Variants in ESRRG observed in about 807,000 individuals in gnomAD.
ESRRG encodes the protein estrogen related receptor gamma.
A neutral mutation model predicts 44.0 loss-of-function variants in ESRRG; 13 were observed. The observed-to-expected ratio is 0.30, with a 90% CI of 0.19 to 0.47. ESRRG has a LOEUF of 0.47. ESRRG is among the 20% of genes least tolerant of loss of function. ESRRG has a pLI of 1.00. For missense variants in ESRRG, 395 were observed against 580.6 expected, an observed-to-expected ratio of 0.68 and a Z score of 3.29; for synonymous variants, 215 against 214.6, an observed-to-expected ratio of 1.00 and a Z score of -0.02.
In ESRRG at chr1:216,677,382, G is replaced by A. The variant is rs2076282896; in HGVS notation, c.166C>T (p.His56Tyr). The A allele has an allele frequency of 6.2e-7, 1 of 1,614,060 alleles. No homozygotes were observed. Among genetic ancestry groups the A allele is most frequent in the African/African-American group, 1.3e-5 (1 of 74,920 alleles). Reference sequence around the variant, plus strand: ...GCGTCTGAAGAGCCACCAGGGCTGTGGTGGTTGACGCTGTCCGTCAGGGAG... The same window carrying A: ...GCGTCTGAAGAGCCACCAGGGCTGTAGTGGTTGACGCTGTCCGTCAGGGAG... ...PASLTDSVNHHSPGGSSDASG... is the reference protein window; with the variant it reads ...PASLTDSVNHYSPGGSSDASG... The change falls in exon 2 of 7, where the codon CAC becomes TAC. Residue 56 changes from histidine (H) to tyrosine (Y), a missense_variant. Physicochemically the swap from His to Tyr is moderately conservative, Grantham distance 83. Transcript: ENST00000408911.
intron 1 of ESRRG, among the ~76,000 whole-genome samples, chr1:216,988,580 G>A (rs2075231520): frequency 6.6e-6 from 1 of 152,056 alleles, no homozygotes; most frequent in African/African-American, 2.4e-5. Flanking sequence ...CCAACCCTCA[G>A]ATTTACTGGG....
chr1:216,782,663 T>A (rs1046083358), intron 2 of ESRRG, among the ~76,000 whole-genome samples: 2 of 152,032 alleles, frequency 1.3e-5, no homozygotes, highest in African/African-American at 4.8e-5. Context: ...AGTTCCACTC[T>A]CAAGAATGCT....
chr1:216,978,502 T>C (rs1179514672), intron 1 of ESRRG, among the ~76,000 whole-genome samples: 1 of 152,200 alleles, frequency 6.6e-6, no homozygotes, highest in Non-Finnish European at 1.5e-5. Flanking sequence ...AACATGCTAA[T>C]ACTCACCCTA....
chr1:216,577,312 T>A (rs998262448), intron 3 of ESRRG, among the ~76,000 whole-genome samples: 6 of 152,082 alleles, frequency 3.9e-5, no homozygotes, highest in Admixed American at 6.6e-5. Flanking sequence ...TGAAAAAAGA[T>A]ACTACTATGG....
At chr1:216,761,760 T>C (rs1220550300) in intron 2 of ESRRG, among the ~76,000 whole-genome samples, 1 of 152,142 alleles carries the variant, frequency 6.6e-6, no homozygotes, top group African/African-American at 2.4e-5. Context: ...TGTCAAGTAA[T>C]GGGAAAATTG....
intron 2 of ESRRG, among the ~76,000 whole-genome samples, chr1:216,745,223 A>G (rs562633656): frequency 1.7e-4 from 26 of 152,224 alleles, no homozygotes; most frequent in African/African-American, 4.8e-4. Flanking sequence ...CAGTGGCACA[A>G]CCATGACACA....
At chr1:216,896,014 G>A (rs994916414) in intron 2 of ESRRG, among the ~76,000 whole-genome samples, 1 of 152,140 alleles carries the variant, frequency 6.6e-6, no homozygotes, top group Non-Finnish European at 1.5e-5. Context: ...CCAAGTCCAA[G>A]TGTAAACACT....
At chr1:216,630,314 C>T (rs1001971912) in intron 3 of ESRRG, among the ~76,000 whole-genome samples, 4 of 152,064 alleles carry the variant, frequency 2.6e-5, no homozygotes, top group African/African-American at 9.7e-5. Context: ...TTATTTTTCC[C>T]TTCAACACAG....
At chr1:216,702,898 C>A (rs915673213) in intron 1 of ESRRG, among the ~76,000 whole-genome samples, 7 of 151,264 alleles carry the variant, frequency 4.6e-5, no homozygotes. Flanking sequence ...CAGAGAAATT[C>A]TAATACCCTA....
chr1:216,820,657 T>C (rs540072748), intron 2 of ESRRG, among the ~76,000 whole-genome samples: 5 of 152,362 alleles, frequency 3.3e-5, no homozygotes, highest in Admixed American at 2.6e-4. Context: ...GATTCTTTGC[T>C]GAGTATATCC....
chr1:216,792,817 G>A (rs2094360011), intron 2 of ESRRG, among the ~76,000 whole-genome samples: 1 of 151,800 alleles, frequency 6.6e-6, no homozygotes, highest in African/African-American at 2.4e-5. Context: ...TGCTTTCGAT[G>A]CCATACCATA....
chr1:216,803,856 T>C (rs146230270), intron 2 of ESRRG, among the ~76,000 whole-genome samples: 3 of 152,252 alleles, frequency 2.0e-5, no homozygotes, highest in South Asian at 4.1e-4. Context: ...TCCAAAGCCT[T>C]GTAACTTTAT....
At chr1:216,825,703 C>A (rs769318903) in intron 2 of ESRRG, among the ~76,000 whole-genome samples, 1 of 152,130 alleles carries the variant, frequency 6.6e-6, no homozygotes, top group African/African-American at 2.4e-5. Context: ...GGGCTATGAA[C>A]CAGTTGAGAT....
chr1:217,114,498 C>G (rs1027846157), intron 1 of ESRRG, among the ~76,000 whole-genome samples: 4 of 152,032 alleles, frequency 2.6e-5, no homozygotes, highest in African/African-American at 7.2e-5. Flanking sequence ...CTTACCGAAT[C>G]AATTTGAGGT....
intron 1 of ESRRG, among the ~76,000 whole-genome samples, chr1:217,112,770 A>G (rs536334983): frequency 6.6e-6 from 1 of 152,340 alleles, no homozygotes; most frequent in Non-Finnish European, 1.5e-5. Flanking sequence ...TAAAGATCAA[A>G]TCCAGTCTTT....
chr1:216,916,345 G>A (rs1477221491), intron 2 of ESRRG, among the ~76,000 whole-genome samples: 1 of 152,196 alleles, frequency 6.6e-6, no homozygotes, highest in East Asian at 1.9e-4. Context: ...TGCCCCGCAT[G>A]TGTGTATGTG....
intron 2 of ESRRG, among the ~76,000 whole-genome samples, chr1:216,749,287 GTC>G (rs1384662246): frequency 6.6e-6 from 1 of 152,042 alleles, no homozygotes; most frequent in African/African-American, 2.4e-5. Context: ...GGTTTGTCGT[GTC>G]TCTCAGGTTC....
intron 1 of ESRRG, among the ~76,000 whole-genome samples, chr1:216,952,022 C>A (rs2067052506): frequency 6.6e-6 from 1 of 152,014 alleles, no homozygotes; most frequent in Non-Finnish European, 1.5e-5. Context: ...ACACAACCTG[C>A]ATCCAAACAA....
In ESRRG at chr1:216,506,577, G is replaced by A. The variant is rs754031489; in HGVS notation, c.*362C>T. The A allele has an allele frequency of 1.1e-5, 5 of 460,748 alleles. No individual in the cohort carries two copies. The highest frequency in any genetic ancestry group is 6.3e-5 in the South Asian group (4 of 63,368). 28.5% of individuals were successfully genotyped at this position (460,748 alleles called of 1,614,324 possible). The stretch of plus-strand genomic sequence containing the variant: ...AAAAGGGGAAGGATGAGAAAAGAGA[G>A]GAATGAGAGTAGGTAAAGAAAAGAA... On this transcript the variant is annotated 3_prime_UTR_variant, in exon 7 of 7. Coordinates refer to ENST00000408911, the MANE Select transcript of ESRRG (RefSeq NM_001438.4).
Sources: allele counts gnomAD v4.1 joint callset (sites outside exome capture counted in the v4.1 genomes callset), GRCh38; gene constraint gnomAD v4.1.1; transcripts MANE v1.5; gene names NCBI Gene and HGNC (gene_info 2026-07-23, HGNC 2026-07-21).